P3H2: variants seen among roughly 807,000 people sequenced by gnomAD.
P3H2 encodes leprecan-like 1.
P3H2 carries 80 observed loss-of-function variants against 87.0 expected under a neutral mutation model. The observed-to-expected ratio is 0.92, with a 90% CI of 0.77 to 1.11. The LOEUF (loss-of-function observed/expected upper bound fraction) is 1.11. P3H2 is among the 50% of genes least tolerant of loss of function. The pLI, the probability that P3H2 is intolerant of heterozygous loss-of-function variation, is 0.00. For missense variants in P3H2, 1,001 were observed against 923.9 expected, an observed-to-expected ratio of 1.08 and a Z score of -1.08; for synonymous variants, 367 against 359.3, an observed-to-expected ratio of 1.02 and a Z score of -0.24.
intron 1 of P3H2, among the ~76,000 whole-genome samples, chr3:190,045,362 GAATA>G (rs998101140): frequency 6.6e-6 from 1 of 152,154 alleles, no homozygotes; most frequent in African/African-American, 2.4e-5. Context: ...CCCTTAGCAA[GAATA>G]AATAGGGCTC....
chr3:190,023,136 CA>C (rs1724984244), intron 1 of P3H2, among the ~76,000 whole-genome samples: 1 of 152,002 alleles, frequency 6.6e-6, no homozygotes, highest in Non-Finnish European at 1.5e-5. Context: ...AAAATATATA[CA>C]TATAGTTCTA....
chr3:190,049,286 TATTA>T (rs1725901382), intron 1 of P3H2, among the ~76,000 whole-genome samples: 2 of 151,924 alleles, frequency 1.3e-5, no homozygotes, highest in Non-Finnish European at 2.9e-5. Flanking sequence ...TTTTCAGTCA[TATTA>T]ATTAAGTTCT....
At chr3:189,959,547 G>A (rs1722748628) in intron 14 of P3H2, among the ~76,000 whole-genome samples, 1 of 150,822 alleles carries the variant, frequency 6.6e-6, no homozygotes, top group Admixed American at 6.6e-5. Flanking sequence ...TCTTCTTTAG[G>A]TTTATTTTGC....
chr3:190,021,617 G>T (rs1724929568), intron 1 of P3H2, among the ~76,000 whole-genome samples: 1 of 133,776 alleles, frequency 7.5e-6, no homozygotes. Flanking sequence ...GGCTTAAATT[G>T]CACACATTTG....
chr3:189,995,847 G>T (rs1458592146), intron 1 of P3H2, among the ~76,000 whole-genome samples: 3 of 152,050 alleles, frequency 2.0e-5, no homozygotes, highest in African/African-American at 4.8e-5. Context: ...GCCAACAGGT[G>T]TGTGAAAAAA....
intron 1 of P3H2, among the ~76,000 whole-genome samples, chr3:190,092,489 T>G (rs776730869): frequency 5.3e-5 from 8 of 152,154 alleles, no homozygotes; most frequent in Admixed American, 1.3e-4. Flanking sequence ...AATACTCTCA[T>G]TAGGAGCTAC....
intron 4 of P3H2, among the ~76,000 whole-genome samples, chr3:189,988,383 G>A (rs907929909): frequency 4.7e-5 from 3 of 63,910 alleles, no homozygotes; most frequent in Middle Eastern, 5.5e-3. Flanking sequence ...ATACGTATGT[G>A]TGTATATATA....
chr3:189,961,774 C>G (rs1560336689), intron 14 of P3H2, among the ~76,000 whole-genome samples: 1 of 152,164 alleles, frequency 6.6e-6, no homozygotes, highest in East Asian at 1.9e-4. Flanking sequence ...TAGTACTTTT[C>G]CATCAGAGGA....
At chr3:190,092,828 C>A (rs755862164) in intron 1 of P3H2, among the ~76,000 whole-genome samples, 106 of 152,178 alleles carry the variant, frequency 7.0e-4, no homozygotes, top group Admixed American at 2.0e-4. Context: ...ATTCTACATC[C>A]GCTCCTGTAG....
At chr3:190,051,485 T>C (rs1725981133) in intron 1 of P3H2, among the ~76,000 whole-genome samples, 1 of 152,234 alleles carries the variant, frequency 6.6e-6, no homozygotes, top group Admixed American at 6.5e-5. Flanking sequence ...GGGCATTTAG[T>C]AGCTGTAATA....
intron 4 of P3H2, 41 bp from the exon 5 acceptor site, chr3:189,987,710 T>C (rs1266019516): frequency 6.2e-7 from 1 of 1,613,626 alleles, no homozygotes; most frequent in Non-Finnish European, 8.5e-7. Context: ...TCAGCCTAGG[T>C]CTGTCCAAAG....
At chr3:190,082,942 T>C (rs1727091993) in intron 1 of P3H2, among the ~76,000 whole-genome samples, 1 of 152,182 alleles carries the variant, frequency 6.6e-6, no homozygotes, top group Non-Finnish European at 1.5e-5. Flanking sequence ...AATTATATCA[T>C]ACTCATGATT....
At chr3:190,070,914 T>C (rs115685430) in intron 1 of P3H2, among the ~76,000 whole-genome samples, 1,831 of 152,298 alleles carry the variant, frequency 0.012, 34 homozygotes, top group African/African-American at 0.041. Flanking sequence ...TCATATTACA[T>C]GTAGGCTGCA....
At position 189,972,878 on chromosome 3, in the gene P3H2, C is replaced by G. The variant is rs1416034433; in HGVS notation, c.1695G>C (p.Leu565=). The change falls in exon 11 of 15, where the codon CTG becomes CTC. Residue 565 remains leucine (L), a synonymous_variant. Coordinates refer to ENST00000319332, the MANE Select transcript of P3H2 (RefSeq NM_018192.4). ...CATTTCAGACTGCAATCTCACCAGA[C>G]AGGGCTGTTCGGCAGACCATGTGTG... ...SYTHMVCRTA[L]SGQQDRRNDL... The G allele has an allele frequency of 1.2e-6, 2 of 1,614,040 alleles. No individual in the cohort carries two copies. Among genetic ancestry groups the G allele is most frequent in the Non-Finnish European group, 1.7e-6 (2 of 1,179,970 alleles).
rs879234801 is a variant in P3H2, at chr3:189,988,939, T to C, written c.923A>G (p.His308Arg). 7.4e-6 allele frequency: 12 copies of C among 1,613,970 alleles called. No individual in the cohort carries two copies. Among genetic ancestry groups the C allele is most frequent in the Non-Finnish European group, 9.3e-6 (11 of 1,180,016 alleles). ...GTAGGCAAACTGTAGGTAATCATAG[T>C]GCAGAGGAAGAAAATTCTCGATGGG... ...LSPIENFLPL[H>R]YDYLQFAYYR... The change falls in exon 4 of 15, where the codon CAC (histidine) becomes CGC (arginine). Residue 308 changes from histidine (H) to arginine (R), a missense_variant. His to Arg is a conservative substitution (Grantham distance 29). Coordinates refer to ENST00000319332, the MANE Select transcript of P3H2 (RefSeq NM_018192.4).
chr3:189,973,499 C>CTTTTTTTTTTTTTTTTTTTTTTTTTT (rs750495361), intron 10 of P3H2, among the ~76,000 whole-genome samples: 1 of 41,450 alleles, frequency 2.4e-5, no homozygotes, highest in African/African-American at 6.6e-5. Context: ...TTTTTTCTTT[C>CTTTTTTTTTTTTTTTTTTTTTTTTTT]TTTCTTTCTT....
At chr3:190,033,874 C>T (rs184227945) in intron 1 of P3H2, among the ~76,000 whole-genome samples, 41 of 152,310 alleles carry the variant, frequency 2.7e-4, no homozygotes, top group Admixed American at 2.1e-3. Context: ...CAGGGTAAGA[C>T]AATCTCCTCT....
At chr3:190,049,497 GT>G (rs1393919673) in intron 1 of P3H2, among the ~76,000 whole-genome samples, 3 of 152,206 alleles carry the variant, frequency 2.0e-5, no homozygotes, top group African/African-American at 7.2e-5. Flanking sequence ...ATGAGTGGTT[GT>G]TGATATGTGA....
In P3H2 at chr3:190,007,986, A is replaced by ATATATATATATATATATATATATG. The variant is rs1560359925; in HGVS notation, c.481-12545_481-12544insCATATATATATATATATATATATA. Among the ~76,000 whole-genome samples the ATATATATATATATATATATATATG allele has an allele frequency of 2.2e-4, 31 of 141,604 alleles. 1 individual carries two copies. The highest frequency in any genetic ancestry group is 8.3e-4 in the African/African-American group (31 of 37,472). 92.9% of individuals were successfully genotyped at this position (141,604 alleles called of 152,430 possible). A position where few individuals can be genotyped will look rare whatever the true frequency, so the allele number is the denominator to read the frequency against. ...CACACATATATATATATATATATAT[A>ATATATATATATATATATATATATG]GTAAACTTCAGTAACGTTGATGAAT... is the stretch of plus-strand genomic sequence containing the variant. On this transcript the variant is annotated intron_variant, in intron 1 of 14. Coordinates refer to ENST00000319332, the MANE Select transcript of P3H2 (RefSeq NM_018192.4).
Sources: gnomAD v4.1 joint callset for allele counts (sites outside exome capture counted in the v4.1 genomes callset) on GRCh38, gnomAD v4.1.1 for gene constraint, MANE v1.5 for transcripts, NCBI Gene and HGNC (gene_info 2026-07-23, HGNC 2026-07-21) for gene names.